The following NF1 variants were observed in gnomAD, a reference collection of about 807,000 sequenced individuals.
The protein encoded by NF1 is neurofibromin 1, also known as neurofibromin.
In NF1, 122 loss-of-function variants were observed where a neutral mutation model predicts 325.7. The observed-to-expected ratio is 0.37, with a 90% CI of 0.32 to 0.44. The LOEUF (loss-of-function observed/expected upper bound fraction) is 0.44, where lower values mean the gene tolerates loss of function less well. NF1 is among the 20% of genes least tolerant of loss of function. NF1 has a pLI of 1.00. For synonymous variants in NF1, 1,091 were observed against 1,186.0 expected (o/e 0.92, Z 1.65); for missense variants, 2,140 against 3,415.4 (o/e 0.63, Z 9.31).
intron 1 of NF1, among the ~76,000 whole-genome samples, chr17:31,151,001 C>T (rs1297290768): frequency 1.3e-5 from 2 of 151,330 alleles, no homozygotes; most frequent in Non-Finnish European, 2.9e-5. Flanking sequence ...CGCCACTGCA[C>T]TCCAGCCTGG....
At chr17:31,305,481 C>T in intron 36 of NF1, 2 of 1,614,106 alleles carry the variant, frequency 1.2e-6, no homozygotes, top group Non-Finnish European at 1.7e-6. Context: ...TAGCCAATAC[C>T]TGTGACATTG....
At chr17:31,281,157 G>A (rs2068111621) in intron 36 of NF1, among the ~76,000 whole-genome samples, 1 of 152,148 alleles carries the variant, frequency 6.6e-6, no homozygotes. Flanking sequence ...AAAGCAGATC[G>A]AAAGTCATTT....
intron 34 of NF1, 79 bp downstream of exon 34, chr17:31,260,594 G>T: frequency 6.7e-7 from 1 of 1,496,768 alleles, no homozygotes. Flanking sequence ...CATGAATAGT[G>T]CTTTTTACTT....
At chr17:31,222,441 C>G in intron 15 of NF1, 2 of 1,031,752 alleles carry the variant, frequency 1.9e-6, no homozygotes, top group Non-Finnish European at 2.3e-6. Flanking sequence ...TTTTAATGAG[C>G]ATGAAGTCAC....
intron 1 of NF1, among the ~76,000 whole-genome samples, chr17:31,141,162 A>G (rs1916186121): frequency 6.6e-6 from 1 of 152,186 alleles, no homozygotes; most frequent in Non-Finnish European, 1.5e-5. Context: ...TTTGCTGTCT[A>G]TACACATCCC....
In NF1 at chr17:31,232,199, A is replaced by C; in HGVS notation, c.3314+10A>C. On this transcript the variant is annotated intron_variant, in intron 25 of 57. Coordinates refer to ENST00000358273, the MANE Select transcript of NF1 (RefSeq NM_001042492.3). ...CACAGTTATTTCTTAAGTAAATTTC[A>C]GTCACCAAAAAACATAAAGCAAAAA... The C allele has an allele frequency of 6.5e-7, 1 of 1,546,260 alleles. No individual in the cohort carries two copies. The highest frequency in any genetic ancestry group is 8.9e-7 in the Non-Finnish European group (1 of 1,118,434).
chr17:31,232,765 C>T lies in NF1; in HGVS notation c.3380C>T (p.Thr1127Ile), dbSNP rs562110311. Residue 1127 changes from threonine to isoleucine, a missense_variant, in exon 26 of 58, where the codon ACA becomes ATA. By Grantham distance (89) the Thr-to-Ile change is moderately conservative (BLOSUM62 -1). Around this residue, in one of 10 missense-constraint regions of NF1, gnomAD observed 380 missense variants for 639.3 expected, o/e 0.59. Coordinates refer to ENST00000358273, the MANE Select transcript of NF1 (RefSeq NM_001042492.3). ...GAAGTTGAAGATGAAAGTGCGCAAA[C>T]AGGTGGCAGGAAACGTGGCATGTCT... ...CSEVEDESAQ[T>I]GGRKRGMSRR... 2.5e-6 allele frequency: 4 copies of T among 1,613,754 alleles called. No homozygotes were observed. In the South Asian group the frequency reaches 4.4e-5, roughly 18 times the overall value.
intron 39 of NF1, among the ~76,000 whole-genome samples, chr17:31,332,607 T>G (rs2069535421): frequency 2.4e-5 from 1 of 41,256 alleles, no homozygotes. Flanking sequence ...CTCTAAGTTT[T>G]AGGGTACATG....
chr17:31,252,831 C>A, intron 30 of NF1, 107 bp from the exon 31 acceptor site: 1 of 850,752 alleles, frequency 1.2e-6, no homozygotes, highest in Non-Finnish European at 1.9e-6. Context: ...TTGTTGATTC[C>A]ATTTGTGTTA....
intron 5 of NF1, among the ~76,000 whole-genome samples, chr17:31,172,898 CA>C (rs1185670645): frequency 6.6e-6 from 1 of 151,986 alleles, no homozygotes; most frequent in Non-Finnish European, 1.5e-5. Flanking sequence ...CTTGGTTATG[CA>C]GTAATATAAG....
intron 2 of NF1, 118 bp from the exon 3 acceptor site, chr17:31,158,892 T>C (rs1249218651): frequency 2.1e-5 from 14 of 669,146 alleles, no homozygotes; most frequent in South Asian, 3.1e-5. Context: ...TATAGTATAA[T>C]CTGGGAGGTA....
chr17:31,104,429 G>C (rs1326107500), intron 1 of NF1, among the ~76,000 whole-genome samples: 1 of 152,228 alleles, frequency 6.6e-6, no homozygotes, highest in Non-Finnish European at 1.5e-5. Context: ...TTCTATAGAA[G>C]TGGAAGGGGA....
chr17:31,118,097 TTTTAA>T (rs1424623511), intron 1 of NF1, among the ~76,000 whole-genome samples: 4 of 152,214 alleles, frequency 2.6e-5, no homozygotes, highest in Admixed American at 1.3e-4. Context: ...AAATGCACTC[TTTTAA>T]TTTAGTGTTT....
At chr17:31,243,515 C>G (rs1015880327) in intron 29 of NF1, among the ~76,000 whole-genome samples, 1 of 151,810 alleles carries the variant, frequency 6.6e-6, no homozygotes, top group African/African-American at 2.4e-5. Context: ...AAGCTGGCAC[C>G]CAAGCTGTAA....
At chr17:31,263,772 T>A (rs1441136099) in intron 35 of NF1, among the ~76,000 whole-genome samples, 6 of 151,368 alleles carry the variant, frequency 4.0e-5, no homozygotes, top group Admixed American at 1.3e-4. Context: ...TTTCTTTTTT[T>A]TAAAAAAAAT....
At chr17:31,220,946 C>T (rs539611880) in intron 14 of NF1, among the ~76,000 whole-genome samples, 1 of 152,050 alleles carries the variant, frequency 6.6e-6, no homozygotes, top group Non-Finnish European at 1.5e-5. Flanking sequence ...AGATTCTCAA[C>T]AATTAATTGC....
At chr17:31,225,394 C>T in intron 17 of NF1, 144 bp downstream of exon 17, 1 of 905,074 alleles carries the variant, frequency 1.1e-6, no homozygotes, top group East Asian at 2.6e-5. Flanking sequence ...CTTTGTGGAA[C>T]TTTGGGCAAG....
chr17:31,125,972 T>TA (rs1280705558), intron 1 of NF1, among the ~76,000 whole-genome samples: 1 of 152,108 alleles, frequency 6.6e-6, no homozygotes, highest in African/African-American at 2.4e-5. Context: ...TGCAGTGGCT[T>TA]ACACCTGTTC....
At chr17:31,304,850 T>C (rs1171825825) in intron 36 of NF1, 2 of 1,614,090 alleles carry the variant, frequency 1.2e-6, no homozygotes, top group Admixed American at 1.7e-5. Context: ...ATGTTATCCA[T>C]ACAAATGTCA....
Sources: gnomAD v4.1 joint callset for allele counts (sites outside exome capture counted in the v4.1 genomes callset) on GRCh38, gnomAD v4.1.1 for gene constraint, gnomAD v4.1.1 regional missense constraint, MANE v1.5 for transcripts, NCBI Gene and HGNC (gene_info 2026-07-23, HGNC 2026-07-21) for gene names.